The following MORN1 variants were observed in gnomAD, a reference collection of about 807,000 sequenced individuals.
MORN1 encodes MORN repeat-containing protein 1.
In MORN1, 67 loss-of-function variants were observed where a neutral mutation model predicts 61.9. That is an observed-to-expected ratio of 1.08 (90% CI 0.89 to 1.33). MORN1 has a LOEUF of 1.33. Among genes scored for constraint, MORN1 ranks in the 40% most tolerant of loss-of-function variants. MORN1 has a pLI of 0.00. For missense variants in MORN1, 752 were observed against 691.2 expected (o/e 1.09, Z -0.99); for synonymous variants, 301 against 292.0 (o/e 1.03, Z -0.31).
intron 5 of MORN1, chr1:2,385,372 A>G (rs1642470446): frequency 1.3e-5 from 6 of 473,636 alleles, no homozygotes; most frequent in South Asian, 7.2e-5. Flanking sequence ...CTCCACAGCC[A>G]GTGAGGCTGA....
At chr1:2,353,941 C>G (rs181721283) in intron 10 of MORN1, among the ~76,000 whole-genome samples, 13 of 152,286 alleles carry the variant, frequency 8.5e-5, no homozygotes, top group African/African-American at 3.1e-4. Flanking sequence ...GCAGCAAGCC[C>G]GATAAATCAG....
chr1:2,321,961 T>G (rs745998152), intron 13 of MORN1: 12 of 959,340 alleles, frequency 1.3e-5, no homozygotes, highest in African/African-American at 1.8e-5. Flanking sequence ...TGCAAATACT[T>G]TCCTACTTTT....
chr1:2,390,164 CTGTT>C (rs1316105909), intron 1 of MORN1, among the ~76,000 whole-genome samples, 168 bp from the exon 2 acceptor site: 1 of 152,294 alleles, frequency 6.6e-6, no homozygotes, highest in East Asian at 1.9e-4. Flanking sequence ...CTCCTGTCGA[CTGTT>C]GGGCCATTCA....
chr1:2,339,738 C>A lies in MORN1; in HGVS notation c.1037-2888G>T, dbSNP rs75195304. On this transcript the variant is annotated intron_variant, in intron 10 of 13. Transcript: ENST00000378531. ...CTTCAGTCCATTGTTTACACGGGACCCTCACACGGAAGCCAGGTCAGTCCC... is the reference window on the plus strand; with the variant it reads ...CTTCAGTCCATTGTTTACACGGGACACTCACACGGAAGCCAGGTCAGTCCC... Among the ~76,000 whole-genome samples the A allele has an allele frequency of 1.7e-4, 26 of 152,286 alleles. No homozygotes were observed. The East Asian group carries it at 2.7e-3, about 16-fold the overall frequency.
chr1:2,345,855 A>ACACACAC (rs1557875132), intron 10 of MORN1, among the ~76,000 whole-genome samples: 2 of 98,714 alleles, frequency 2.0e-5, no homozygotes, highest in African/African-American at 6.4e-5. Context: ...ACACACACAC[A>ACACACAC]GATGTTTGCT....
At chr1:2,378,726 G>A (rs770267935) in intron 6 of MORN1, 4 of 359,684 alleles carry the variant, frequency 1.1e-5, no homozygotes, top group Admixed American at 7.5e-5. Flanking sequence ...TGTCTGCTCC[G>A]TCTCCCACCG....
Position 2,322,311 on chromosome 1 carries a change from A to G in MORN1, c.1298-732T>C, listed in dbSNP as rs1439555915. ...GGGGCTGGCACCGGAGCGTGGAAAA[A>G]GCGCCTCGGCTGGCCCGGGCTCACA... On this transcript the variant is annotated intron_variant, in intron 13 of 13. Transcript: ENST00000378531. The G allele has an allele frequency of 5.1e-6, 5 of 985,354 alleles. No homozygotes were observed. In the East Asian group the frequency reaches 3.4e-4, roughly 67 times the overall value. The allele number at this position is 985,354 out of a possible 1,614,324, so 61.0% of individuals were successfully genotyped here.
chr1:2,330,554 T>G (rs1392359764), intron 12 of MORN1, among the ~76,000 whole-genome samples: 1 of 152,140 alleles, frequency 6.6e-6, no homozygotes, highest in Non-Finnish European at 1.5e-5. Flanking sequence ...CTGTGGAGCA[T>G]CCACGATCTT....
intron 6 of MORN1, among the ~76,000 whole-genome samples, chr1:2,382,054 A>G (rs1642384071): frequency 6.6e-6 from 1 of 152,146 alleles, no homozygotes; most frequent in Non-Finnish European, 1.5e-5. Context: ...GCGCCTGGGT[A>G]GTAGCCAGGG....
chr1:2,359,295 C>T (rs1641843552), intron 8 of MORN1, among the ~76,000 whole-genome samples: 2 of 152,330 alleles, frequency 1.3e-5, no homozygotes, highest in African/African-American at 4.8e-5. Flanking sequence ...GCCTGGCACA[C>T]AGCTGGTGCC....
chr1:2,325,163 T>TCCTTCCCTTCCTTCCTTCCCTC (rs1640991304), intron 12 of MORN1, among the ~76,000 whole-genome samples: 5 of 56,700 alleles, frequency 8.8e-5, no homozygotes, highest in African/African-American at 2.4e-4. Flanking sequence ...TTCCCTCCCT[T>TCCTTCCCTTCCTTCCTTCCCTC]CCTTCCTTTC....
At chr1:2,384,614 G>T (rs1179617342) in intron 6 of MORN1, among the ~76,000 whole-genome samples, 1 of 152,200 alleles carries the variant, frequency 6.6e-6, no homozygotes, top group African/African-American at 2.4e-5. Flanking sequence ...CGGTGGAGAA[G>T]GCCCCGCCTC....
intron 10 of MORN1, among the ~76,000 whole-genome samples, chr1:2,338,690 T>C (rs1262537881): frequency 6.6e-6 from 1 of 152,212 alleles, no homozygotes; most frequent in African/African-American, 2.4e-5. Context: ...CCAGCAGGCA[T>C]TCCTGGCGTG....
At chr1:2,385,507 C>T (rs1264735408) in intron 5 of MORN1, 2 of 374,990 alleles carry the variant, frequency 5.3e-6, no homozygotes. Flanking sequence ...TCCTGTGGTG[C>T]CACTTTGCCG....
At chr1:2,355,293 T>C (rs891806299) in intron 10 of MORN1, 13 of 1,453,862 alleles carry the variant, frequency 8.9e-6, no homozygotes, top group Non-Finnish European at 1.2e-5. Flanking sequence ...CCCGTGGGCC[T>C]GTTGGCCTGA....
chr1:2,360,434 C>T (rs370467051), intron 8 of MORN1, among the ~76,000 whole-genome samples: 13 of 152,148 alleles, frequency 8.5e-5, no homozygotes, highest in Admixed American at 3.9e-4. Context: ...AGGAAACAAA[C>T]GGCGTGGACT....
At chr1:2,385,245 G>T in intron 5 of MORN1, 180 bp from the exon 6 acceptor site, 1 of 626,448 alleles carries the variant, frequency 1.6e-6, no homozygotes, top group Non-Finnish European at 2.8e-6. Flanking sequence ...GACGACAGGC[G>T]GTGGGGACAC....
At chr1:2,355,594 G>A in intron 10 of MORN1, 1 of 957,124 alleles carries the variant, frequency 1.0e-6, no homozygotes. Flanking sequence ...GGGCGGCCAG[G>A]GGCATTCCGC....
Position 2,337,432 on chromosome 1 carries a change from G to A in MORN1, c.1037-582C>T, listed in dbSNP as rs1641304824. Among the ~76,000 whole-genome samples, 1 of 152,146 alleles carries A rather than the reference G, an allele frequency of 6.6e-6. No individual in the cohort carries two copies. The highest frequency in any genetic ancestry group is 2.4e-5 in the African/African-American group (1 of 41,440). The stretch of plus-strand genomic sequence containing the variant: ...AGGCGGGTGTGGGCGGGCTCAGCCT[G>A]TGCATCCCTCAGTGGGACCCCTGCA... On this transcript the variant is annotated intron_variant, in intron 10 of 13. Transcript: ENST00000378531. This position sits in a 1 kb window ranked among gnomAD's most constrained non-coding sequence, Gnocchi z 5.7.
Sources: gnomAD v4.1 joint callset for allele counts (sites outside exome capture counted in the v4.1 genomes callset) on GRCh38, gnomAD v4.1.1 for gene constraint, Gnocchi (gnomAD v3.1) non-coding constraint, MANE v1.5 for transcripts, NCBI Gene and HGNC (gene_info 2026-07-23, HGNC 2026-07-21) for gene names.